The following ZDHHC4 variants were observed in gnomAD, a reference collection of about 807,000 sequenced individuals.
ZDHHC4 encodes the protein palmitoyltransferase ZDHHC4.
Under a neutral mutation model 36.7 loss-of-function variants are expected in ZDHHC4, and 42 were observed. The ratio of observed to expected loss-of-function variants is 1.14; its 90% confidence interval spans 0.89 to 1.48. ZDHHC4 has a LOEUF of 1.48. Among genes scored for constraint, ZDHHC4 ranks in the 40% most tolerant of loss-of-function variants. ZDHHC4 has a pLI of 0.00. For missense variants in ZDHHC4, 457 were observed against 421.5 expected (o/e 1.08, Z -0.74); for synonymous variants, 189 against 166.6 (o/e 1.13, Z -1.03).
At chr7:6,586,028 C>T (rs1781218649) in intron 7 of ZDHHC4, among the ~76,000 whole-genome samples, 2 of 152,168 alleles carry the variant, frequency 1.3e-5, no homozygotes, top group Non-Finnish European at 2.9e-5. Context: ...TGGCCAGCAT[C>T]TGTAGTCCCA....
chr7:6,581,430 G>T (rs960328288), intron 3 of ZDHHC4, among the ~76,000 whole-genome samples, 177 bp from the exon 4 acceptor site: 3 of 152,204 alleles, frequency 2.0e-5, no homozygotes, highest in African/African-American at 7.2e-5. Flanking sequence ...GGCGTGAAAG[G>T]AAAGACCAGT....
chr7:6,585,225 CACCTCCAT>C lies in ZDHHC4; in HGVS notation c.707_714del (p.His236ArgfsTer50). The C allele has an allele frequency of 6.2e-7, 1 of 1,614,190 alleles. No individual in the cohort carries two copies. Among genetic ancestry groups the C allele is most frequent in the Non-Finnish European group, 8.5e-7 (1 of 1,180,032 alleles). On this transcript the variant is annotated frameshift_variant, in exon 7 of 8. Transcript: ENST00000335965. LOFTEE classifies it high-confidence loss of function. ...GGAGACTTACATCGATGACCTTGGACACCTCCATGTTATGGACACGGTCTTTCTTATTC... is the reference window on the plus strand; with the variant it reads ...GGAGACTTACATCGATGACCTTGGACGTTATGGACACGGTCTTTCTTATTC...
chr7:6,580,636 G>T lies in ZDHHC4; in HGVS notation c.75G>T (p.Ser25=). The change falls in exon 3 of 8, where the codon TCG becomes TCT. Residue 25 remains serine, a synonymous_variant. Transcript: ENST00000335965. ...GTCTTGTTCTTATCTGCGTCTGCTC[G>T]AAAACCCATAGCTTGAAAGGCCTGG... ...LMGLVLICVC[S]KTHSLKGLAR... The T allele has an allele frequency of 6.2e-7, 1 of 1,614,112 alleles. No homozygotes were observed. The highest frequency in any genetic ancestry group is 1.1e-5 in the South Asian group (1 of 91,082).
rs760669582 is a variant in ZDHHC4 at position 6,585,111 on chromosome 7, G to C, written c.592G>C (p.Val198Leu). Reference sequence around the variant, plus strand: ...GAACATCAGGTACTTCCTCATCTACGTCTTGACCTTGACGGCCTCGGCTGC... The same window carrying C: ...GAACATCAGGTACTTCCTCATCTACCTCTTGACCTTGACGGCCTCGGCTGC... ...AWNIRYFLIY[V>L]LTLTASAATV... is the part of the protein sequence containing the mutation. Residue 198 changes from valine (V) to leucine (L), a missense_variant, in exon 7 of 8, where the codon GTC becomes CTC. Val to Leu is a conservative substitution (Grantham distance 32). Transcript: ENST00000335965. 3 of 1,614,080 alleles carry C rather than the reference G, an allele frequency of 1.9e-6. No individual in the cohort carries two copies. The South Asian group carries it at 3.3e-5, about 18-fold the overall frequency.
At chr7:6,580,879 G>A in intron 3 of ZDHHC4, 1 of 581,628 alleles carries the variant, frequency 1.7e-6, no homozygotes, top group Non-Finnish European at 3.1e-6. Context: ...TCACGCCACT[G>A]CACTCCAGCC....
At chr7:6,580,817 T>A in intron 3 of ZDHHC4, 139 bp downstream of exon 3, 1 of 780,600 alleles carries the variant, frequency 1.3e-6, no homozygotes, top group Non-Finnish European at 2.1e-6. Context: ...CTCAGGAAGC[T>A]GAGGCAGGAG....
rs1562542283 is a variant in ZDHHC4, at chr7:6,583,352, A to G, written c.417A>G (p.Glu139=). Reference sequence around the variant, plus strand: ...AATTATTATTTCTTCATGTTTATGAATTTGATGAAGTGATGTTTCCAAAGA... The same window carrying G: ...AATTATTATTTCTTCATGTTTATGAGTTTGATGAAGTGATGTTTCCAAAGA... ...ANELLFLHVY[E]FDEVMFPKNV... is the part of the protein sequence containing the mutation. Residue 139 remains glutamate, a synonymous_variant, in exon 6 of 8, where the codon GAA becomes GAG. Transcript: ENST00000335965. 1.9e-6 allele frequency: 3 copies of G among 1,613,712 alleles called. No individual in the cohort carries two copies. Among genetic ancestry groups the G allele is most frequent in the Non-Finnish European group, 2.5e-6 (3 of 1,179,900 alleles).
At chr7:6,580,773 C>T in intron 3 of ZDHHC4, 95 bp downstream of exon 3, 2 of 1,218,598 alleles carry the variant, frequency 1.6e-6, no homozygotes, top group Middle Eastern at 2.5e-4. Context: ...AGATGCCAGG[C>T]CGGGTGCAGT....
At chr7:6,583,458 G>A (rs749830275) in intron 6 of ZDHHC4, 27 bp downstream of exon 6, 121 of 1,593,390 alleles carry the variant, frequency 7.6e-5, no homozygotes, top group Middle Eastern at 1.7e-4. Context: ...TGACTCCAGC[G>A]GCACCTCCAA....
Position 6,583,275 on chromosome 7 carries a change from C to G in ZDHHC4, c.371-31C>G, listed in dbSNP as rs768776522. On this transcript the variant is annotated intron_variant, in intron 5 of 7. Transcript: ENST00000335965. Reference sequence around the variant, plus strand: ...TGACTATCCAGTCCAAAGTATTGCACGAAACTGACATATGTCCTTACTTTT... The same window carrying G: ...TGACTATCCAGTCCAAAGTATTGCAGGAAACTGACATATGTCCTTACTTTT... 8 of 1,611,754 alleles carry G rather than the reference C, an allele frequency of 5.0e-6. No individual in the cohort carries two copies. In the East Asian group the frequency reaches 1.1e-4, roughly 22 times the overall value.
At chr7:6,584,787 A>G (rs1469375945) in intron 6 of ZDHHC4, 1 of 567,904 alleles carries the variant, frequency 1.8e-6, no homozygotes, top group South Asian at 2.1e-5. Flanking sequence ...GCATGCCGCC[A>G]CCACCTCAGA....
intron 4 of ZDHHC4, 118 bp downstream of exon 4, chr7:6,581,798 C>A: frequency 1.1e-6 from 1 of 888,088 alleles, no homozygotes; most frequent in South Asian, 1.7e-5. Context: ...GAAAGAAGGC[C>A]GGAAAGAATC....
intron 5 of ZDHHC4, 96 bp from the exon 6 acceptor site, chr7:6,583,210 A>C (rs1205959521): frequency 7.4e-7 from 1 of 1,344,288 alleles, no homozygotes; most frequent in Non-Finnish European, 1.0e-6. Context: ...ACGATATTAA[A>C]GATAGCAGTT....
At chr7:6,580,779 G>A (rs1264951968) in intron 3 of ZDHHC4, 101 bp downstream of exon 3, 5 of 1,116,880 alleles carry the variant, frequency 4.5e-6, no homozygotes, top group Non-Finnish European at 6.7e-6. Context: ...CAGGCCGGGT[G>A]CAGTGCCTCA....
intron 6 of ZDHHC4, chr7:6,584,212 C>T (rs950726810): frequency 6.6e-6 from 1 of 152,100 alleles, no homozygotes; most frequent in Admixed American, 6.6e-5. Flanking sequence ...AGTTTATATT[C>T]TTTTTTTCAT....
chr7:6,579,315 C>G (rs906879421), intron 2 of ZDHHC4, among the ~76,000 whole-genome samples: 8 of 152,062 alleles, frequency 5.3e-5, no homozygotes, highest in Non-Finnish European at 1.0e-4. Flanking sequence ...ATTCTCCTGC[C>G]TCCACCCCCT....
intron 7 of ZDHHC4, among the ~76,000 whole-genome samples, chr7:6,586,585 C>T (rs1259179310): frequency 6.6e-6 from 1 of 152,156 alleles, no homozygotes; most frequent in Non-Finnish European, 1.5e-5. Context: ...AAGCAATTCT[C>T]CTGCCTCAGT....
intron 5 of ZDHHC4, among the ~76,000 whole-genome samples, chr7:6,582,643 G>A (rs1272603774): frequency 1.3e-5 from 2 of 151,950 alleles, no homozygotes; most frequent in Non-Finnish European, 2.9e-5. Context: ...TCAGACTCCC[G>A]AGTAGCTAGG....
At chr7:6,586,464 C>T (rs898918161) in intron 7 of ZDHHC4, among the ~76,000 whole-genome samples, 12 of 152,088 alleles carry the variant, frequency 7.9e-5, no homozygotes, top group African/African-American at 2.2e-4. Flanking sequence ...TCATGTAGCA[C>T]GAATCTACTT....
Sources: gnomAD v4.1 joint callset for allele counts (sites outside exome capture counted in the v4.1 genomes callset) on GRCh38, gnomAD v4.1.1 for gene constraint, MANE v1.5 for transcripts, NCBI Gene and HGNC (gene_info 2026-07-23, HGNC 2026-07-21) for gene names.